The following PLGRKT variants were observed in gnomAD, a reference collection of about 807,000 sequenced individuals.
PLGRKT encodes the protein plasminogen receptor (KT).
Under a neutral mutation model 18.5 loss-of-function variants are expected in PLGRKT, and 22 were observed. The ratio of observed to expected loss-of-function variants is 1.19; its 90% CI spans 0.85 to 1.70. PLGRKT has a LOEUF of 1.70. Ranked by LOEUF, PLGRKT falls within the 40% of genes most tolerant of loss-of-function variation. PLGRKT has a pLI of 0.00. For missense variants in PLGRKT, 235 were observed against 174.4 expected (o/e 1.35, Z -1.96); for synonymous variants, 72 against 52.8 (o/e 1.36, Z -1.58).
rs1818497288 is a variant in PLGRKT, at chr9:5,418,031, C to T, written c.81+13866G>A. ...GATTTCGAGAAGATCACATTGTACG[C>T]ACTTGTGGAGTTTAACGTCTAAGTA... On this transcript the variant is annotated intron_variant, in intron 3 of 5. Coordinates refer to ENST00000223864, the MANE Select transcript of PLGRKT (RefSeq NM_018465.4). This position sits in a 1 kb window ranked among gnomAD's most constrained non-coding sequence, Gnocchi z 4.2. 6.6e-6 allele frequency among the ~76,000 whole-genome samples: 1 copy of T among 152,128 alleles called. No homozygotes were observed. Among genetic ancestry groups the T allele is most frequent in the African/African-American group, 2.4e-5 (1 of 41,396 alleles).
intron 3 of PLGRKT, among the ~76,000 whole-genome samples, chr9:5,414,621 G>A (rs1818424583): frequency 6.6e-6 from 1 of 152,206 alleles, no homozygotes; most frequent in Non-Finnish European, 1.5e-5. Flanking sequence ...CACTGAAGGA[G>A]CCGGGAGAAA....
chr9:5,374,119 C>T (rs556669646), intron 3 of PLGRKT, among the ~76,000 whole-genome samples: 20 of 152,182 alleles, frequency 1.3e-4, no homozygotes, highest in Non-Finnish European at 2.4e-4. Context: ...CTGTTCTTGG[C>T]TGTAGGCTTA....
chr9:5,377,724 C>A (rs1314001142), intron 3 of PLGRKT, among the ~76,000 whole-genome samples: 1 of 152,066 alleles, frequency 6.6e-6, no homozygotes, highest in East Asian at 1.9e-4. Context: ...TAATACCTAC[C>A]CACGTAACAA....
chr9:5,362,211 C>A (rs1236134673), intron 3 of PLGRKT, among the ~76,000 whole-genome samples: 1 of 152,208 alleles, frequency 6.6e-6, no homozygotes, highest in Non-Finnish European at 1.5e-5. Flanking sequence ...GTGGAAAGAT[C>A]TATGGGTCTT....
chr9:5,422,421 T>A (rs60594639), intron 3 of PLGRKT, among the ~76,000 whole-genome samples: 9,619 of 152,158 alleles, frequency 0.063, 844 homozygotes, highest in African/African-American at 0.19. Context: ...TGCTCAGAAA[T>A]ACCATGAGGA....
intron 3 of PLGRKT, among the ~76,000 whole-genome samples, chr9:5,362,703 T>C (rs987376689): frequency 6.6e-6 from 1 of 152,160 alleles, no homozygotes; most frequent in African/African-American, 2.4e-5. Context: ...GAAGGACTAA[T>C]AATGTGATTT....
intron 3 of PLGRKT, chr9:5,392,467 A>G (rs886365398): frequency 5.9e-5 from 9 of 151,974 alleles, no homozygotes; most frequent in African/African-American, 2.2e-4. Flanking sequence ...GCTTAAGGCT[A>G]ACTCACATTC....
intron 3 of PLGRKT, among the ~76,000 whole-genome samples, chr9:5,384,711 T>A (rs1481795499): frequency 4.6e-5 from 7 of 151,850 alleles, no homozygotes; most frequent in Non-Finnish European, 1.0e-4. Flanking sequence ...TTAAATTGGG[T>A]CATAAGTTAG....
intron 3 of PLGRKT, among the ~76,000 whole-genome samples, chr9:5,399,228 A>G (rs910948737): frequency 2.0e-5 from 3 of 151,788 alleles, no homozygotes; most frequent in Non-Finnish European, 4.4e-5. Context: ...GTAATTAAAT[A>G]TTTTTTCTCC....
intron 3 of PLGRKT, among the ~76,000 whole-genome samples, chr9:5,368,401 A>G (rs1183089301): frequency 2.0e-5 from 3 of 152,238 alleles, no homozygotes; most frequent in Admixed American, 6.5e-5. Flanking sequence ...CTATGCAGCC[A>G]TAAAAAGGAA....
chr9:5,411,317 A>C (rs1445132711), intron 3 of PLGRKT, among the ~76,000 whole-genome samples: 1 of 151,052 alleles, frequency 6.6e-6, no homozygotes, highest in Non-Finnish European at 1.5e-5. Flanking sequence ...CCTGGGAGGC[A>C]GAGGTTGCAG....
rs2131056911 is a variant in PLGRKT, at chr9:5,361,837, T to G, written c.133A>C (p.Met45Leu). ...QSEMRERQMAMQIAWSREFLK... is the reference protein window; with the variant it reads ...QSEMRERQMALQIAWSREFLK... ...AATTCCCGAGACCACGCAATCTGCA[T>G]GGCCATTTGTCTTTCCCTCATTTCA... is the stretch of plus-strand genomic sequence containing the variant. Residue 45 changes from methionine (M) to leucine (L), a missense_variant, in exon 4 of 6, where the codon ATG (methionine) becomes CTG (leucine). Transcript: ENST00000223864. 6.2e-7 allele frequency: 1 copy of G among 1,613,270 alleles called. No homozygotes were observed. The highest frequency in any genetic ancestry group is 2.2e-5 in the East Asian group (1 of 44,848).
At chr9:5,359,576 A>G (rs1170868213) in intron 5 of PLGRKT, among the ~76,000 whole-genome samples, 2 of 152,210 alleles carry the variant, frequency 1.3e-5, no homozygotes, top group Admixed American at 6.5e-5. Context: ...AATTCTCATC[A>G]TGTGTTAAAA....
intron 3 of PLGRKT, among the ~76,000 whole-genome samples, chr9:5,386,603 G>C (rs778451832): frequency 6.6e-6 from 1 of 151,830 alleles, no homozygotes; most frequent in Non-Finnish European, 1.5e-5. Flanking sequence ...GCACTATAGA[G>C]GCCAAAGAGA....
In PLGRKT at chr9:5,403,305, C is replaced by A. The variant is rs182084007; in HGVS notation, c.81+28592G>T. 5.1e-3 allele frequency among the ~76,000 whole-genome samples: 762 copies of A among 149,992 alleles called. 18 individuals carry two copies. The highest frequency in any genetic ancestry group is 0.018 in the African/African-American group (730 of 40,340). On this transcript the variant is annotated intron_variant, in intron 3 of 5. Coordinates refer to ENST00000223864, the MANE Select transcript of PLGRKT (RefSeq NM_018465.4). ...ATGGTGCGATCTCCGCTCACTGCAA[C>A]CTCTGCCTCCCGGGTTCAAGTGATT...
chr9:5,424,258 C>T (rs906173115), intron 3 of PLGRKT, among the ~76,000 whole-genome samples: 9 of 135,198 alleles, frequency 6.7e-5, no homozygotes, highest in African/African-American at 1.4e-4. Flanking sequence ...TATATATACA[C>T]TATATGTCAT....
rs139531418 is a variant in PLGRKT, at chr9:5,361,774, T to G, written c.196A>C (p.Ile66Leu). Residue 66 changes from isoleucine (I) to leucine (L), a missense_variant, in exon 4 of 6, where the codon ATC becomes CTC. Coordinates refer to ENST00000223864, the MANE Select transcript of PLGRKT (RefSeq NM_018465.4). ...YFGTFFGLAA[I>L]SLTAGAIKKK... is the part of the protein sequence containing the mutation. ...CAAACATACCCAGCTGTTAAAGAGA[T>G]GGCTGCAAGGCCAAAAAAAGTTCCA... 6.2e-7 allele frequency: 1 copy of G among 1,611,154 alleles called. No individual in the cohort carries two copies. The highest frequency in any genetic ancestry group is 2.2e-5 in the East Asian group (1 of 44,840).
intron 3 of PLGRKT, among the ~76,000 whole-genome samples, chr9:5,367,068 C>CACACACACACACACACA (rs1817409773): frequency 6.8e-6 from 1 of 146,564 alleles, no homozygotes; most frequent in African/African-American, 2.6e-5. Context: ...CACACACACA[C>CACACACACACACACACA]CCCTAGGAAT....
At position 5,358,262 on chromosome 9, in the gene PLGRKT, T is replaced by G; in HGVS notation, c.421A>C (p.Ser141Arg). 6.2e-7 allele frequency: 1 copy of G among 1,609,464 alleles called. No individual in the cohort carries two copies. Among genetic ancestry groups the G allele is most frequent in the Non-Finnish European group, 8.5e-7 (1 of 1,175,942 alleles). Reference protein sequence around the residue: ...ESIEKARKEQSRFFIDK With the variant: ...ESIEKARKEQRRFFIDK ...TTTCATTTGTCTATGAAGAATCTAC[T>G]CTGTTCCTTTCTGGCTTTTTCAATG... is the stretch of plus-strand genomic sequence containing the variant. The change falls in exon 6 of 6, where the codon AGT becomes CGT. Residue 141 changes from serine to arginine, a missense_variant. Transcript: ENST00000223864.
Sources: allele counts gnomAD v4.1 joint callset (sites outside exome capture counted in the v4.1 genomes callset), GRCh38; gene constraint gnomAD v4.1.1; non-coding constraint Gnocchi (gnomAD v3.1); transcripts MANE v1.5; gene names NCBI Gene and HGNC (gene_info 2026-07-23, HGNC 2026-07-21).